Variants in NT5DC1 observed in about 807,000 individuals in gnomAD.
NT5DC1 encodes the protein 5'-nucleotidase domain containing 1, also known as 5'-nucleotidase domain-containing protein 1.
A neutral mutation model predicts 59.4 loss-of-function variants in NT5DC1; 42 were observed. The ratio of observed to expected loss-of-function variants is 0.71; its 90% confidence interval spans 0.55 to 0.92. The LOEUF (loss-of-function observed/expected upper bound fraction) is 0.92. NT5DC1 is among the 40% of genes least tolerant of loss of function. The probability of loss-of-function intolerance (pLI) is 0.00; values close to 1 mark genes in which losing one functional copy is unlikely to be tolerated. For missense variants in NT5DC1, 501 were observed against 537.1 expected (o/e 0.93, Z 0.66); for synonymous variants, 172 against 188.1 (o/e 0.91, Z 0.70).
intron 6 of NT5DC1, among the ~76,000 whole-genome samples, chr6:116,128,233 T>C (rs1779374058): frequency 6.6e-6 from 1 of 152,182 alleles, no homozygotes; most frequent in African/African-American, 2.4e-5. Flanking sequence ...TTGCAAATAG[T>C]GTACTTATTT....
chr6:116,172,555 C>G (rs1029496814), intron 6 of NT5DC1, among the ~76,000 whole-genome samples: 1 of 151,930 alleles, frequency 6.6e-6, no homozygotes, highest in Admixed American at 6.6e-5. Context: ...CTCCTGACCC[C>G]CTGATCCACC....
At chr6:116,213,071 T>C (rs181998859) in intron 6 of NT5DC1, among the ~76,000 whole-genome samples, 1 of 152,234 alleles carries the variant, frequency 6.6e-6, no homozygotes, top group Admixed American at 6.5e-5. Flanking sequence ...AATTGGGACT[T>C]TATTCCAAAG....
chr6:116,152,536 C>T (rs893448356), intron 6 of NT5DC1, among the ~76,000 whole-genome samples: 1 of 152,142 alleles, frequency 6.6e-6, no homozygotes, highest in African/African-American at 2.4e-5. Context: ...CAGTCTGACT[C>T]CTGTGTACTG....
intron 6 of NT5DC1, chr6:116,119,963 A>C: frequency 9.5e-7 from 1 of 1,051,896 alleles, no homozygotes; most frequent in Non-Finnish European, 1.5e-6. Flanking sequence ...TGTATTTCAG[A>C]AAATAAAAAT....
At chr6:116,120,552 G>C in intron 6 of NT5DC1, 1 of 1,612,690 alleles carries the variant, frequency 6.2e-7, no homozygotes, top group Non-Finnish European at 8.5e-7. Context: ...AAACCCTCAG[G>C]CATGACTGCT....
At chr6:116,238,695 G>GT (rs1418236372) in intron 10 of NT5DC1, among the ~76,000 whole-genome samples, 1 of 151,930 alleles carries the variant, frequency 6.6e-6, no homozygotes, top group African/African-American at 2.4e-5. Flanking sequence ...AAAAAATTAT[G>GT]TTTTCTAGGT....
chr6:116,220,603 C>G (rs1781779708), intron 6 of NT5DC1, among the ~76,000 whole-genome samples: 1 of 152,220 alleles, frequency 6.6e-6, no homozygotes, highest in Non-Finnish European at 1.5e-5. Flanking sequence ...CTGAGGAACT[C>G]ATCGCCCTTC....
chr6:116,207,114 T>G (rs1455848450), intron 6 of NT5DC1, among the ~76,000 whole-genome samples: 2 of 151,988 alleles, frequency 1.3e-5, no homozygotes, highest in African/African-American at 4.8e-5. Flanking sequence ...ATTACAATAT[T>G]GTTTTATTCA....
In NT5DC1 at chr6:116,101,037, G is replaced by C. The variant is rs745860050; in HGVS notation, c.93+14G>C. 3 of 1,562,926 alleles carry C rather than the reference G, an allele frequency of 1.9e-6. No individual in the cohort carries two copies. The highest frequency in any genetic ancestry group is 2.6e-6 in the Non-Finnish European group (3 of 1,148,366). ...GAGAGCGCCCCGGTGAGTGGCGCGG[G>C]CTCCGGGGCGCACTGCGCGCAACCT... On this transcript the variant is annotated intron_variant, in intron 1 of 11. Transcript: ENST00000319550.
At chr6:116,231,903 G>A (rs7744809) in intron 8 of NT5DC1, among the ~76,000 whole-genome samples, 48,763 of 152,122 alleles carry the variant, frequency 0.32, 9,297 homozygotes, top group East Asian at 0.66. Flanking sequence ...ATTTAAAAGC[G>A]TTTTAAAATT....
At chr6:116,106,743 C>G (rs1778775257) in intron 2 of NT5DC1, among the ~76,000 whole-genome samples, 1 of 152,172 alleles carries the variant, frequency 6.6e-6, no homozygotes, top group Admixed American at 6.5e-5. Context: ...TGAATTAGGA[C>G]AATTGCTTTT....
intron 1 of NT5DC1, among the ~76,000 whole-genome samples, chr6:116,101,986 G>T (rs1466230629): frequency 6.6e-6 from 1 of 152,216 alleles, no homozygotes; most frequent in African/African-American, 2.4e-5. Context: ...AACCTGTGCT[G>T]CTTCTCAGTT....
Position 116,100,860 on chromosome 6 carries a change from C to T in NT5DC1, c.-71C>T, listed in dbSNP as rs1778624701. 5 of 1,230,810 alleles carry T rather than the reference C, an allele frequency of 4.1e-6. No homozygotes were observed. The highest frequency in any genetic ancestry group is 1.4e-5 in the South Asian group (1 of 73,600). 76.2% of individuals were successfully genotyped at this position (1,230,810 alleles called of 1,614,324 possible). A position where few individuals can be genotyped will look rare whatever the true frequency, so the allele number is the denominator to read the frequency against. ...CGCCGCGTCCGGCCCGGTCCTGTCC[C>T]GCAGCGTCCCGCCAGCCAGCTCCTT... On this transcript the variant is annotated 5_prime_UTR_variant, in exon 1 of 12. Transcript: ENST00000319550.
At chr6:116,236,927 T>G (rs1329200404) in intron 8 of NT5DC1, 39 bp from the exon 9 acceptor site, 1 of 1,345,132 alleles carries the variant, frequency 7.4e-7, no homozygotes, top group Admixed American at 1.7e-5. Flanking sequence ...CTACTCTCAC[T>G]TGATTAAAAA....
chr6:116,162,532 C>T (rs533553596), intron 6 of NT5DC1, among the ~76,000 whole-genome samples: 4 of 152,206 alleles, frequency 2.6e-5, no homozygotes, highest in African/African-American at 9.6e-5. Flanking sequence ...TTGAGATGAT[C>T]ATGTGATTTT....
At chr6:116,122,692 A>G (rs890507333) in intron 6 of NT5DC1, among the ~76,000 whole-genome samples, 8 of 152,260 alleles carry the variant, frequency 5.3e-5, no homozygotes, top group African/African-American at 1.9e-4. Flanking sequence ...CGGCTGGGCC[A>G]CAAGTATGGG....
chr6:116,141,568 A>AT (rs1357499350), intron 6 of NT5DC1, among the ~76,000 whole-genome samples: 2 of 151,704 alleles, frequency 1.3e-5, no homozygotes, highest in Admixed American at 1.3e-4. Context: ...TGTTTCATTA[A>AT]TTTTTTTTGA....
chr6:116,141,555 G>T lies in NT5DC1; in HGVS notation c.529+23610G>T, dbSNP rs758974278. Among the ~76,000 whole-genome samples, 104 of 151,966 alleles carry T rather than the reference G, an allele frequency of 6.8e-4. 1 individual carries two copies. The highest frequency in any genetic ancestry group is 7.5e-4 in the Non-Finnish European group (51 of 67,950). ...TGGCACCCTTGTGAATGATGGTAGAGAATGTTTCATTAATTTTTTTTGATG... is the reference window on the plus strand; with the variant it reads ...TGGCACCCTTGTGAATGATGGTAGATAATGTTTCATTAATTTTTTTTGATG... On this transcript the variant is annotated intron_variant, in intron 6 of 11. Coordinates refer to ENST00000319550, the MANE Select transcript of NT5DC1 (RefSeq NM_152729.3).
At chr6:116,219,135 C>T (rs987523147) in intron 6 of NT5DC1, among the ~76,000 whole-genome samples, 1 of 152,088 alleles carries the variant, frequency 6.6e-6, no homozygotes, top group Non-Finnish European at 1.5e-5. Flanking sequence ...TCCAGTCTGG[C>T]CAACAGAGCG....
Sources: allele counts gnomAD v4.1 joint callset (sites outside exome capture counted in the v4.1 genomes callset), GRCh38; gene constraint gnomAD v4.1.1; transcripts MANE v1.5; gene names NCBI Gene and HGNC (gene_info 2026-07-23, HGNC 2026-07-21).